The following SIPA1L1 variants were observed in gnomAD, a reference collection of about 807,000 sequenced individuals.
The protein encoded by SIPA1L1 is signal-induced proliferation-associated 1-like protein 1.
SIPA1L1 carries 26 observed loss-of-function variants against 162.7 expected under a neutral mutation model. The observed-to-expected ratio is 0.16, with a 90% CI of 0.12 to 0.22. The LOEUF is 0.22. SIPA1L1 is among the 10% of genes least tolerant of loss of function. SIPA1L1 has a pLI of 1.00. For synonymous variants in SIPA1L1, 829 were observed against 837.4 expected, an observed-to-expected ratio of 0.99 and a Z score of 0.17; for missense variants, 1,874 against 2,241.0, an observed-to-expected ratio of 0.84 and a Z score of 3.31.
At chr14:71,549,998 C>T (rs1336268741) in intron 4 of SIPA1L1, among the ~76,000 whole-genome samples, 2 of 131,768 alleles carry the variant, frequency 1.5e-5, no homozygotes, top group Non-Finnish European at 3.1e-5. Flanking sequence ...GTGGCTCACA[C>T]CTGTGATCCC....
chr14:71,489,495 A>G lies in SIPA1L1; in HGVS notation c.-464-23248A>G, dbSNP rs189129510. ...GGAAAGGTTAGAGAACATGGAAAGAAAATTTAACAGGTTAATTTTAAGGTA... is the reference window on the plus strand; with the variant it reads ...GGAAAGGTTAGAGAACATGGAAAGAGAATTTAACAGGTTAATTTTAAGGTA... On this transcript the variant is annotated intron_variant, in intron 2 of 23. Coordinates refer to ENST00000381232, the MANE Select transcript of SIPA1L1 (RefSeq NM_001386936.1). Among the ~76,000 whole-genome samples the G allele has an allele frequency of 2.7e-3, 407 of 152,318 alleles. 1 individual carries two copies. The highest frequency in any genetic ancestry group is 3.6e-3 in the Non-Finnish European group (244 of 68,036).
rs190230976 is a variant in SIPA1L1 at position 71,605,993 on chromosome 14, G to A, written c.1499-12764G>A. On this transcript the variant is annotated intron_variant, in intron 5 of 23. Transcript: ENST00000381232. The stretch of plus-strand genomic sequence containing the variant: ...CTCTGAGTTCTAAGTGGTGTGCACT[G>A]GTGTTGGCCATGGCTATGGTGGGCC... Among the ~76,000 whole-genome samples the A allele has an allele frequency of 5.9e-5, 9 of 152,266 alleles. No individual in the cohort carries two copies. In the East Asian group the frequency reaches 1.7e-3, roughly 29 times the overall value.
intron 5 of SIPA1L1, among the ~76,000 whole-genome samples, chr14:71,614,355 GT>G (rs1240377839): frequency 6.6e-6 from 1 of 152,090 alleles, no homozygotes; most frequent in African/African-American, 2.4e-5. Context: ...TATGGAAAGA[GT>G]TTTTTCTATA....
At chr14:71,723,514 C>T in intron 17 of SIPA1L1, 133 bp from the exon 18 acceptor site, 2 of 944,794 alleles carry the variant, frequency 2.1e-6, no homozygotes, top group Admixed American at 5.1e-5. Flanking sequence ...GAAGGCCAGC[C>T]AGGCATCGCT....
intron 2 of SIPA1L1, among the ~76,000 whole-genome samples, chr14:71,324,975 A>T (rs1464085501): frequency 2.0e-5 from 3 of 152,086 alleles, no homozygotes; most frequent in Admixed American, 2.0e-4. Context: ...CTTCCAGTGG[A>T]GTAATCTGAG....
chr14:71,490,550 T>C (rs1425822471), intron 2 of SIPA1L1, among the ~76,000 whole-genome samples: 1 of 152,226 alleles, frequency 6.6e-6, no homozygotes, highest in Non-Finnish European at 1.5e-5. Context: ...TAAGAGGATG[T>C]ATTGTCCATG....
chr14:71,494,713 A>G (rs1392442117), intron 2 of SIPA1L1, among the ~76,000 whole-genome samples: 3 of 151,810 alleles, frequency 2.0e-5, no homozygotes, highest in Admixed American at 2.0e-4. Flanking sequence ...TTTTTTGTAG[A>G]GATGGGACCT....
chr14:71,380,343 C>T (rs775563887), intron 2 of SIPA1L1, among the ~76,000 whole-genome samples: 3 of 152,194 alleles, frequency 2.0e-5, no homozygotes, highest in Non-Finnish European at 4.4e-5. Flanking sequence ...ACGCTCATCT[C>T]ATAACTTCTT....
intron 2 of SIPA1L1, among the ~76,000 whole-genome samples, chr14:71,403,898 C>T (rs1308080278): frequency 6.6e-6 from 1 of 152,064 alleles, no homozygotes; most frequent in Non-Finnish European, 1.5e-5. Context: ...TGTAGGCCAC[C>T]TGGTGCCTTG....
intron 4 of SIPA1L1, among the ~76,000 whole-genome samples, chr14:71,556,045 T>C (rs2056323550): frequency 1.3e-5 from 2 of 152,162 alleles, no homozygotes; most frequent in Admixed American, 1.3e-4. Flanking sequence ...GAGCACATGC[T>C]GTTGGAAAAA....
intron 4 of SIPA1L1, among the ~76,000 whole-genome samples, chr14:71,556,647 G>C (rs950571696): frequency 6.6e-6 from 1 of 152,142 alleles, no homozygotes; most frequent in Non-Finnish European, 1.5e-5. Flanking sequence ...TGTAGGGCAA[G>C]GTATCAGGGA....
At chr14:71,565,162 T>C (rs936623813) in intron 4 of SIPA1L1, among the ~76,000 whole-genome samples, 3 of 152,244 alleles carry the variant, frequency 2.0e-5, no homozygotes, top group African/African-American at 7.2e-5. Flanking sequence ...TTGTTTTTCA[T>C]GTTTATCCTA....
At chr14:71,679,312 G>T (rs2149479094) in intron 12 of SIPA1L1, among the ~76,000 whole-genome samples, 1 of 152,232 alleles carries the variant, frequency 6.6e-6, no homozygotes, top group Admixed American at 6.5e-5. Flanking sequence ...TTTCAACCCA[G>T]AATTTCATAT....
At chr14:71,625,543 T>C (rs529958117) in intron 7 of SIPA1L1, among the ~76,000 whole-genome samples, 28 of 152,252 alleles carry the variant, frequency 1.8e-4, no homozygotes, top group Non-Finnish European at 3.8e-4. Context: ...ATTTGACACA[T>C]ACATCTGAAG....
intron 2 of SIPA1L1, among the ~76,000 whole-genome samples, chr14:71,430,676 G>C (rs961530992): frequency 1.3e-5 from 2 of 152,166 alleles, no homozygotes; most frequent in Non-Finnish European, 2.9e-5. Flanking sequence ...TCTCCCTTTT[G>C]TTTGTGCTTA....
intron 6 of SIPA1L1, among the ~76,000 whole-genome samples, chr14:71,623,367 T>C (rs572121791): frequency 3.2e-4 from 48 of 152,366 alleles, no homozygotes; most frequent in African/African-American, 1.1e-3. Context: ...TACTTTAGGC[T>C]TCATGTCTGG....
chr14:71,519,543 T>C (rs2052085059), intron 3 of SIPA1L1, among the ~76,000 whole-genome samples: 1 of 151,880 alleles, frequency 6.6e-6, no homozygotes, highest in Admixed American at 6.6e-5. Context: ...AGGAAATGAT[T>C]GCCAGATACA....
rs201534584 is a variant in SIPA1L1, at chr14:71,587,890, G to A, written c.18G>A (p.Arg6=). The A allele has an allele frequency of 2.1e-4, 336 of 1,609,436 alleles. No individual in the cohort carries two copies. Among genetic ancestry groups the A allele is most frequent in the Non-Finnish European group, 3.9e-5 (46 of 1,176,148 alleles). Residue 6 remains arginine (R), a synonymous_variant, in exon 5 of 24, where the codon CGG becomes CGA. Coordinates refer to ENST00000381232, the MANE Select transcript of SIPA1L1 (RefSeq NM_001386936.1). ...TTTACATCATGACCAGCTTGAAACG[G>A]TCACAGACAGAAAGGCCTCTTGCCA... MTSLK[R]SQTERPLATD...
intron 8 of SIPA1L1, among the ~76,000 whole-genome samples, chr14:71,655,880 G>T (rs181434009): frequency 6.6e-6 from 1 of 151,872 alleles, no homozygotes; most frequent in East Asian, 1.9e-4. Flanking sequence ...TCTTTTGTTG[G>T]GTATATGGTT....
Sources: allele counts gnomAD v4.1 joint callset (sites outside exome capture counted in the v4.1 genomes callset), GRCh38; gene constraint gnomAD v4.1.1; transcripts MANE v1.5; gene names NCBI Gene and HGNC (gene_info 2026-07-23, HGNC 2026-07-21).